The following CNTNAP5 variants were observed in gnomAD, a reference collection of about 807,000 sequenced individuals.
CNTNAP5 encodes contactin associated protein family member 5, also known as contactin-associated protein-like 5.
A neutral mutation model predicts 150.2 loss-of-function variants in CNTNAP5; 72 were observed. The observed-to-expected ratio is 0.48, with a 90% CI of 0.40 to 0.58. CNTNAP5 has a LOEUF of 0.58. Ranked by LOEUF, CNTNAP5 falls within the 20% of genes least tolerant of loss-of-function variation. The pLI, the probability that CNTNAP5 is intolerant of heterozygous loss-of-function variation, is 0.00. For synonymous variants in CNTNAP5, 672 were observed against 619.8 expected (o/e 1.08, Z -1.25); for missense variants, 1,636 against 1,626.2 (o/e 1.01, Z -0.10).
At chr2:124,040,254 G>A (rs1223087169) in intron 1 of CNTNAP5, among the ~76,000 whole-genome samples, 2 of 152,042 alleles carry the variant, frequency 1.3e-5, no homozygotes, top group South Asian at 2.1e-4. Context: ...AACTTCAAAT[G>A]TATTCGGCTT....
At chr2:124,449,374 AC>A (rs1475571802) in intron 6 of CNTNAP5, among the ~76,000 whole-genome samples, 2 of 152,224 alleles carry the variant, frequency 1.3e-5, no homozygotes, top group African/African-American at 2.4e-5. Context: ...AGCAAAAAAA[AC>A]AAAACAAACA....
At position 124,685,222 on chromosome 2, in the gene CNTNAP5, T is replaced by C. The variant is rs575314632; in HGVS notation, c.2077+37264T>C. 3.3e-5 allele frequency among the ~76,000 whole-genome samples: 5 copies of C among 152,120 alleles called. No individual in the cohort carries two copies. In the South Asian group the frequency reaches 1.0e-3, roughly 32 times the overall value. ...ATTCTGACTGCAAAAGTGCAGGGGG[T>C]TCATTTCCCTTTTCCTTCTCATATA... On this transcript the variant is annotated intron_variant, in intron 13 of 23. Coordinates refer to ENST00000682447, the MANE Select transcript of CNTNAP5 (RefSeq NM_001367498.1).
At chr2:124,845,844 A>T (rs1037999357) in intron 19 of CNTNAP5, among the ~76,000 whole-genome samples, 1 of 151,642 alleles carries the variant, frequency 6.6e-6, no homozygotes, top group Non-Finnish European at 1.5e-5. Flanking sequence ...CTCCTGTTTC[A>T]TTTCTAATTG....
At chr2:124,119,682 A>G (rs114947138) in intron 1 of CNTNAP5, among the ~76,000 whole-genome samples, 1,708 of 152,256 alleles carry the variant, frequency 0.011, 41 homozygotes, top group African/African-American at 0.039. Context: ...CCTAGGAGGG[A>G]TGATCATTTG....
rs181819053 is a variant in CNTNAP5, at chr2:124,548,890, A to G, written c.1650-14327A>G. On this transcript the variant is annotated intron_variant, in intron 10 of 23. Transcript: ENST00000682447. ...AGAGCTAGAAACTGGAGGAACTGGAATTAAAACTTGGGTCTCTAATCTGAC... is the reference window on the plus strand; with the variant it reads ...AGAGCTAGAAACTGGAGGAACTGGAGTTAAAACTTGGGTCTCTAATCTGAC... Among the ~76,000 whole-genome samples, 10 of 152,292 alleles carry G rather than the reference A, an allele frequency of 6.6e-5. No homozygotes were observed. In the East Asian group the frequency reaches 1.7e-3, roughly 27 times the overall value.
At chr2:124,556,644 G>A (rs1222937087) in intron 10 of CNTNAP5, among the ~76,000 whole-genome samples, 1 of 152,104 alleles carries the variant, frequency 6.6e-6, no homozygotes, top group Non-Finnish European at 1.5e-5. Flanking sequence ...TCAGACTAGA[G>A]GAGCATCGGG....
At chr2:124,358,826 G>A (rs1358706947) in intron 3 of CNTNAP5, among the ~76,000 whole-genome samples, 2 of 151,158 alleles carry the variant, frequency 1.3e-5, no homozygotes, top group Non-Finnish European at 3.0e-5. Flanking sequence ...CATAAAATGA[G>A]TTAGGGAGGA....
chr2:124,818,249 G>A (rs1010925632), intron 19 of CNTNAP5, among the ~76,000 whole-genome samples: 12 of 152,144 alleles, frequency 7.9e-5, no homozygotes, highest in African/African-American at 2.9e-4. Context: ...AAGCCCCACT[G>A]AGCAACCATG....
chr2:124,250,194 A>G (rs758068029), intron 3 of CNTNAP5, among the ~76,000 whole-genome samples: 34 of 152,176 alleles, frequency 2.2e-4, no homozygotes, highest in Non-Finnish European at 3.8e-4. Context: ...GTCCCACAGA[A>G]CATGTCAAGG....
At chr2:124,252,353 C>T (rs1446571862) in intron 3 of CNTNAP5, among the ~76,000 whole-genome samples, 2 of 152,132 alleles carry the variant, frequency 1.3e-5, no homozygotes, top group Non-Finnish European at 2.9e-5. Flanking sequence ...AAGCTTGCTG[C>T]TCCTGCATCC....
chr2:124,487,652 C>T (rs1693917929), intron 7 of CNTNAP5, among the ~76,000 whole-genome samples: 1 of 151,954 alleles, frequency 6.6e-6, no homozygotes, highest in South Asian at 2.1e-4. Flanking sequence ...CCTAGAAGCT[C>T]ATTTCATGTG....
intron 1 of CNTNAP5, among the ~76,000 whole-genome samples, chr2:124,189,254 C>T (rs912077811): frequency 1.3e-5 from 2 of 152,022 alleles, no homozygotes; most frequent in Non-Finnish European, 2.9e-5. Context: ...GGGAGATAAA[C>T]AAAGTAAATC....
intron 23 of CNTNAP5, among the ~76,000 whole-genome samples, chr2:124,913,200 G>A (rs979583432): frequency 6.6e-6 from 1 of 151,876 alleles, no homozygotes; most frequent in Non-Finnish European, 1.5e-5. Context: ...GCAAAATATA[G>A]AACTTATTAC....
chr2:124,511,075 G>C (rs920158096), intron 8 of CNTNAP5, among the ~76,000 whole-genome samples: 3 of 152,148 alleles, frequency 2.0e-5, no homozygotes, highest in Admixed American at 2.0e-4. Flanking sequence ...TTTAATGATG[G>C]ATGTGGTTGC....
At chr2:124,449,479 T>C (rs1308469661) in intron 6 of CNTNAP5, among the ~76,000 whole-genome samples, 1 of 152,198 alleles carries the variant, frequency 6.6e-6, no homozygotes, top group Non-Finnish European at 1.5e-5. Flanking sequence ...AAATTCACTC[T>C]GTTGCCAGAT....
In CNTNAP5 at chr2:124,647,891, C is replaced by T. The variant is rs372357368; in HGVS notation, c.2010C>T (p.Asp670=). Residue 670 remains aspartate, a synonymous_variant, in exon 13 of 24, where the codon GAC becomes GAT. Transcript: ENST00000682447. ...GSMEQLEAVI[D]GSEHCEQEVA... ...TGGAACAGCTGGAGGCCGTGATCGA[C>T]GGCTCTGAGCACTGTGAGCAGGAGG... The T allele has an allele frequency of 1.2e-4, 195 of 1,611,872 alleles. No homozygotes were observed. The highest frequency in any genetic ancestry group is 5.1e-4 in the Middle Eastern group (3 of 5,864).
At chr2:124,697,276 T>C (rs1350028896) in intron 13 of CNTNAP5, among the ~76,000 whole-genome samples, 1 of 152,166 alleles carries the variant, frequency 6.6e-6, no homozygotes, top group Non-Finnish European at 1.5e-5. Flanking sequence ...AGTCCAGAGT[T>C]ACTTGGATTA....
At chr2:124,677,015 T>C (rs1259685904) in intron 13 of CNTNAP5, among the ~76,000 whole-genome samples, 1 of 152,214 alleles carries the variant, frequency 6.6e-6, no homozygotes, top group African/African-American at 2.4e-5. Flanking sequence ...ATGTCCGGAA[T>C]TGATTCCTTC....
In CNTNAP5 at chr2:124,703,221, C is replaced by A. The variant is rs530453820; in HGVS notation, c.2078-44008C>A. On this transcript the variant is annotated intron_variant, in intron 13 of 23. Transcript: ENST00000682447. The stretch of plus-strand genomic sequence containing the variant: ...TTCCTTCCTTCTCCCTCTCTTTCTT[C>A]TTCCTTCCTTCCTCCTCCCTTTCTT... 4.0e-5 allele frequency among the ~76,000 whole-genome samples: 5 copies of A among 125,380 alleles called. No homozygotes were observed. The East Asian group carries it at 1.1e-3, about 27-fold the overall frequency. 82.3% of individuals were successfully genotyped at this position (125,380 alleles called of 152,430 possible). A position where few individuals can be genotyped will look rare whatever the true frequency, so the allele number is the denominator to read the frequency against.
Sources: gnomAD v4.1 joint callset for allele counts (sites outside exome capture counted in the v4.1 genomes callset) on GRCh38, gnomAD v4.1.1 for gene constraint, MANE v1.5 for transcripts, NCBI Gene and HGNC (gene_info 2026-07-23, HGNC 2026-07-21) for gene names.